The following SLC24A2 variants were observed in gnomAD, a reference collection of about 807,000 sequenced individuals.
The protein encoded by SLC24A2 is solute carrier family 24 member 2, also known as sodium/potassium/calcium exchanger 2.
Under a neutral mutation model 62.0 loss-of-function variants are expected in SLC24A2, and 36 were observed. That is an observed-to-expected ratio of 0.58 (90% CI 0.44 to 0.77). The LOEUF is 0.77. SLC24A2 is among the 30% of genes least tolerant of loss of function. The pLI, the probability that SLC24A2 is intolerant of heterozygous loss-of-function variation, is 0.00. For synonymous variants in SLC24A2, 358 were observed against 294.0 expected (o/e 1.22, Z -2.23); for missense variants, 846 against 817.9 (o/e 1.03, Z -0.42).
At chr9:19,845,961 A>T in the SLC24A2 span, among the ~76,000 whole-genome samples, 1 of 150,584 alleles carries the variant, frequency 6.6e-6, no homozygotes, top group Non-Finnish European at 1.5e-5. Flanking sequence ...TATGTTTGGT[A>T]TGACTTCATT....
the SLC24A2 span, among the ~76,000 whole-genome samples, chr9:20,140,313 T>C: frequency 6.6e-6 from 1 of 152,182 alleles, no homozygotes; most frequent in Non-Finnish European, 1.5e-5. Context: ...GTTCAAAACC[T>C]GCTTCTGCCA....
chr9:20,274,007 C>A, the SLC24A2 span, among the ~76,000 whole-genome samples: 2 of 152,146 alleles, frequency 1.3e-5, no homozygotes, highest in Admixed American at 6.5e-5. Flanking sequence ...AAAGATATGA[C>A]TTTTTCTCCC....
chr9:19,903,964 G>A, the SLC24A2 span, among the ~76,000 whole-genome samples: 1 of 152,178 alleles, frequency 6.6e-6, no homozygotes, highest in South Asian at 2.1e-4. Context: ...GTAACTAAGG[G>A]AAGGTGGCTG....
chr9:20,170,708 A>G, the SLC24A2 span, among the ~76,000 whole-genome samples: 276 of 152,140 alleles, frequency 1.8e-3, 1 homozygote, highest in Non-Finnish European at 3.2e-3. Context: ...CTTTGAAGAG[A>G]AACTCAGAAA....
chr9:20,025,192 T>C, the SLC24A2 span, among the ~76,000 whole-genome samples: 2,378 of 152,332 alleles, frequency 0.016, 61 homozygotes, highest in African/African-American at 0.055. Context: ...AAATTAATTT[T>C]ATGTCTCACT....
At chr9:20,253,640 C>G in the SLC24A2 span, among the ~76,000 whole-genome samples, 1 of 152,180 alleles carries the variant, frequency 6.6e-6, no homozygotes, top group African/African-American at 2.4e-5. Context: ...AAGTGGGGCC[C>G]AGGCATCAGT....
chr9:20,274,788 TTG>T, the SLC24A2 span, among the ~76,000 whole-genome samples: 1 of 151,942 alleles, frequency 6.6e-6, no homozygotes, highest in Non-Finnish European at 1.5e-5. Flanking sequence ...CCGAGATCTC[TTG>T]GGGATGAAGA....
chr9:19,603,731 T>C (rs1836908031), intron 4 of SLC24A2, among the ~76,000 whole-genome samples: 1 of 152,210 alleles, frequency 6.6e-6, no homozygotes, highest in African/African-American at 2.4e-5. Context: ...ACCTTTCACC[T>C]ATCTTTCTCA....
chr9:19,650,648 C>A (rs1818772390), intron 2 of SLC24A2, among the ~76,000 whole-genome samples: 1 of 152,170 alleles, frequency 6.6e-6, no homozygotes, highest in Admixed American at 6.5e-5. Flanking sequence ...CTCATTAAAA[C>A]AGCAATGTTC....
chr9:19,623,541 A>AT (rs1179759843), intron 2 of SLC24A2, among the ~76,000 whole-genome samples: 1 of 152,244 alleles, frequency 6.6e-6, no homozygotes, highest in Non-Finnish European at 1.5e-5. Context: ...GATTCTTATA[A>AT]TTTTGAATTT....
chr9:19,782,999 C>T (rs1033574129), intron 2 of SLC24A2, among the ~76,000 whole-genome samples: 1 of 151,940 alleles, frequency 6.6e-6, no homozygotes, highest in East Asian at 1.9e-4. Context: ...AAAGAAATAA[C>T]AATAATAAAA....
chr9:19,708,706 G>C (rs984636747), intron 2 of SLC24A2, among the ~76,000 whole-genome samples: 1 of 152,104 alleles, frequency 6.6e-6, no homozygotes, highest in Non-Finnish European at 1.5e-5. Flanking sequence ...TAGCCATATG[G>C]AGAAAGCTGA....
intron 2 of SLC24A2, among the ~76,000 whole-genome samples, chr9:19,654,747 C>T (rs1278994684): frequency 6.6e-6 from 1 of 152,126 alleles, no homozygotes; most frequent in Non-Finnish European, 1.5e-5. Flanking sequence ...GCTTATAATC[C>T]TAGTTCCATG....
intron 2 of SLC24A2, among the ~76,000 whole-genome samples, chr9:19,694,222 A>G (rs1820122182): frequency 6.6e-6 from 1 of 152,194 alleles, no homozygotes. Flanking sequence ...TAGGGTAAAG[A>G]TATCATAATA....
At chr9:19,843,735 G>A in the SLC24A2 span, among the ~76,000 whole-genome samples, 1 of 152,116 alleles carries the variant, frequency 6.6e-6, no homozygotes, top group African/African-American at 2.4e-5. Context: ...ATGTCCATGA[G>A]TCAATGTTTA....
chr9:20,071,564 A>G, the SLC24A2 span, among the ~76,000 whole-genome samples: 1 of 152,232 alleles, frequency 6.6e-6, no homozygotes, highest in Admixed American at 6.5e-5. Context: ...TCTAATCCTC[A>G]GAATTTATAA....
At chr9:19,858,527 C>G in the SLC24A2 span, among the ~76,000 whole-genome samples, 2 of 152,112 alleles carry the variant, frequency 1.3e-5, no homozygotes, top group Non-Finnish European at 2.9e-5. Flanking sequence ...AGTTTCTTTA[C>G]AGCAAAATAA....
the SLC24A2 span, among the ~76,000 whole-genome samples, chr9:19,844,235 G>A: frequency 6.6e-6 from 1 of 152,090 alleles, no homozygotes; most frequent in Non-Finnish European, 1.5e-5. Flanking sequence ...GAGTGAGATG[G>A]TATCTCATTT....
the SLC24A2 span, among the ~76,000 whole-genome samples, chr9:20,280,041 G>A: frequency 5.3e-3 from 805 of 152,304 alleles, 7 homozygotes; most frequent in African/African-American, 0.018. Flanking sequence ...AGGGTCTGGC[G>A]GGAAAAATAG....
Sources: allele counts gnomAD v4.1 joint callset (sites outside exome capture counted in the v4.1 genomes callset), GRCh38; gene constraint gnomAD v4.1.1; transcripts MANE v1.5; gene names NCBI Gene and HGNC (gene_info 2026-07-23, HGNC 2026-07-21).